The following PKHD1 variants were observed in gnomAD, a reference collection of about 807,000 sequenced individuals.
The protein encoded by PKHD1 is PKHD1 ciliary IPT domain containing fibrocystin/polyductin, also known as fibrocystin.
In PKHD1, 291 loss-of-function variants were observed where a neutral mutation model predicts 412.0. The observed-to-expected ratio is 0.71, with a 90% CI of 0.64 to 0.78. The LOEUF (loss-of-function observed/expected upper bound fraction) is 0.78, where lower values mean the gene tolerates loss of function less well. PKHD1 is among the 30% of genes least tolerant of loss of function. PKHD1 has a pLI of 0.00. For missense variants in PKHD1, 4,825 were observed against 4,950.7 expected, an observed-to-expected ratio of 0.97 and a Z score of 0.76; for synonymous variants, 1,777 against 1,821.5, an observed-to-expected ratio of 0.98 and a Z score of 0.62.
intron 35 of PKHD1, among the ~76,000 whole-genome samples, chr6:51,967,934 T>G (rs1793076881): frequency 6.6e-6 from 1 of 152,148 alleles, no homozygotes; most frequent in Non-Finnish European, 1.5e-5. Flanking sequence ...AACACTTAAT[T>G]TCGGTGATTG....
Position 52,073,448 on chromosome 6 carries a change from C to A in PKHD1, c.527+15G>T, listed in dbSNP as rs1263027623. On this transcript the variant is annotated intron_variant, in intron 7 of 66. Transcript: ENST00000371117. The stretch of plus-strand genomic sequence containing the variant: ...GTATGTAACTAGTTAAACACAAAAA[C>A]AAACACACACTTACCTATCAATGTA... The A allele has an allele frequency of 1.0e-5, 16 of 1,552,682 alleles. No individual in the cohort carries two copies. Among genetic ancestry groups the A allele is most frequent in the Non-Finnish European group, 1.4e-5 (16 of 1,124,400 alleles).
intron 37 of PKHD1, among the ~76,000 whole-genome samples, chr6:51,914,990 A>T (rs1783547081): frequency 1.3e-5 from 2 of 152,248 alleles, no homozygotes; most frequent in South Asian, 4.1e-4. Flanking sequence ...ATCTGTGTGT[A>T]CATCTGGGAT....
intron 46 of PKHD1, among the ~76,000 whole-genome samples, chr6:51,872,771 A>G (rs750465933): frequency 1.1e-4 from 17 of 152,292 alleles, no homozygotes; most frequent in Non-Finnish European, 2.2e-4. Flanking sequence ...ATTGCCTTCA[A>G]AATTTCAATG....
At chr6:51,911,349 T>C (rs1489124718) in intron 39 of PKHD1, among the ~76,000 whole-genome samples, 1 of 152,132 alleles carries the variant, frequency 6.6e-6, no homozygotes, top group African/African-American at 2.4e-5. Context: ...ACCTAAAGTA[T>C]GTGGTAGTTC....
At chr6:51,670,065 G>A (rs150311291) in intron 60 of PKHD1, among the ~76,000 whole-genome samples, 52,796 of 141,830 alleles carry the variant, frequency 0.37, 11,005 homozygotes, top group African/African-American at 0.54. Flanking sequence ...TACTAGGTCT[G>A]CTTGGTGCAG....
intron 60 of PKHD1, chr6:51,682,084 A>G (rs1343545467): frequency 3.1e-6 from 1 of 318,304 alleles, no homozygotes; most frequent in African/African-American, 2.2e-5. Context: ...TGAGATATAT[A>G]CAGCATCAGG....
At chr6:51,738,995 C>T (rs1227024186) in intron 60 of PKHD1, among the ~76,000 whole-genome samples, 2 of 150,886 alleles carry the variant, frequency 1.3e-5, no homozygotes, top group Admixed American at 6.6e-5. Context: ...TCCTTCTCAT[C>T]TCTCCTGGAA....
chr6:51,703,242 C>T (rs1332432039), intron 60 of PKHD1, among the ~76,000 whole-genome samples: 1 of 151,854 alleles, frequency 6.6e-6, no homozygotes, highest in Non-Finnish European at 1.5e-5. Flanking sequence ...GATTGAGGAT[C>T]CTTTTGTTGC....
At chr6:52,052,930 C>A in intron 21 of PKHD1, 146 bp downstream of exon 21, 1 of 717,696 alleles carries the variant, frequency 1.4e-6, no homozygotes. Flanking sequence ...ACACATAATC[C>A]CAGCCCCATC....
intron 60 of PKHD1, among the ~76,000 whole-genome samples, chr6:51,723,681 G>A (rs1252796384): frequency 1.3e-5 from 2 of 152,150 alleles, no homozygotes; most frequent in South Asian, 2.1e-4. Context: ...TACCAAGAGT[G>A]ATTTAAGATA....
intron 34 of PKHD1, among the ~76,000 whole-genome samples, chr6:52,013,071 G>A (rs556065393): frequency 6.6e-6 from 1 of 152,290 alleles, no homozygotes; most frequent in African/African-American, 2.4e-5. Context: ...AATCATAAGA[G>A]TGAGTTTTTT....
At chr6:51,748,764 A>G in intron 57 of PKHD1, 99 bp from the exon 58 acceptor site, 1 of 968,168 alleles carries the variant, frequency 1.0e-6, no homozygotes, top group African/African-American at 1.6e-5. Context: ...TTTTTAATGA[A>G]AATGTAAGTT....
Position 51,895,323 on chromosome 6 carries a change from C to A in PKHD1, c.6997-8078G>T, listed in dbSNP as rs75507237. Among the ~76,000 whole-genome samples the A allele has an allele frequency of 4.5e-3, 682 of 152,200 alleles. 9 individuals are homozygous for A. The highest frequency in any genetic ancestry group is 0.016 in the African/African-American group (665 of 41,522). ...CCACCTATGTCTTTAAGTAATGGCA[C>A]ATCACAGACAATAGAATGCAAAAAA... On this transcript the variant is annotated intron_variant, in intron 43 of 66. Transcript: ENST00000371117.
chr6:51,982,880 T>A (rs796979531), intron 35 of PKHD1, among the ~76,000 whole-genome samples: 1 of 135,974 alleles, frequency 7.4e-6, no homozygotes, highest in African/African-American at 2.6e-5. Flanking sequence ...TAAAATAAAA[T>A]AAAATAAAAT....
intron 43 of PKHD1, among the ~76,000 whole-genome samples, chr6:51,889,681 C>G (rs946360391): frequency 6.6e-6 from 1 of 152,120 alleles, no homozygotes; most frequent in African/African-American, 2.4e-5. Context: ...TTGGCCATCA[C>G]AAGGTGCTCT....
chr6:51,937,150 C>G (rs959764322), intron 36 of PKHD1, among the ~76,000 whole-genome samples: 2 of 152,188 alleles, frequency 1.3e-5, no homozygotes, highest in Non-Finnish European at 2.9e-5. Flanking sequence ...GATTCCAGGT[C>G]TTTAGATAAG....
At chr6:51,851,746 G>A (rs1772288441) in intron 49 of PKHD1, among the ~76,000 whole-genome samples, 1 of 152,154 alleles carries the variant, frequency 6.6e-6, no homozygotes, top group African/African-American at 2.4e-5. Context: ...TGTGGGGTCA[G>A]TGGTGATATC....
At chr6:51,619,820 CACTTACCAACAGGCCA>C (rs1034576881) in intron 66 of PKHD1, among the ~76,000 whole-genome samples, 259 of 152,258 alleles carry the variant, frequency 1.7e-3, no homozygotes, top group East Asian at 6.2e-3. Flanking sequence ...GGCCAACTCA[CACTTACCAACAGGCCA>C]ACTTACCAAC....
chr6:51,731,596 C>T lies in PKHD1; in HGVS notation c.10156+12789G>A, dbSNP rs1049232569. 8.8e-4 allele frequency among the ~76,000 whole-genome samples: 134 copies of T among 152,236 alleles called. 1 individual carries two copies. The highest frequency in any genetic ancestry group is 7.4e-5 in the Non-Finnish European group (5 of 68,012). ...AATTAGGTGCTCTCTAGATTGGTTTCTAATTCTGTGATTCATTTCTAATCC... is the reference window on the plus strand; with the variant it reads ...AATTAGGTGCTCTCTAGATTGGTTTTTAATTCTGTGATTCATTTCTAATCC... On this transcript the variant is annotated intron_variant, in intron 60 of 66. Transcript: ENST00000371117.
Sources: gnomAD v4.1 joint callset for allele counts (sites outside exome capture counted in the v4.1 genomes callset) on GRCh38, gnomAD v4.1.1 for gene constraint, MANE v1.5 for transcripts, NCBI Gene and HGNC (gene_info 2026-07-23, HGNC 2026-07-21) for gene names.